Variants in ZNF365 observed in about 807,000 individuals in gnomAD.
The protein encoded by ZNF365 is zinc finger protein 365.
In ZNF365, 22 loss-of-function variants were observed where a neutral mutation model predicts 35.0. That is an observed-to-expected ratio of 0.63 (90% CI 0.45 to 0.90). The LOEUF (loss-of-function observed/expected upper bound fraction) is 0.90. ZNF365 is among the 40% of genes least tolerant of loss of function. The pLI is 0.00. For synonymous variants in ZNF365, 188 were observed against 196.2 expected (o/e 0.96, Z 0.35); for missense variants, 448 against 500.3 (o/e 0.90, Z 1.00).
chr10:62,388,769 G>T (rs1167256115), intron 3 of ZNF365, among the ~76,000 whole-genome samples, 193 bp downstream of exon 3: 2 of 152,162 alleles, frequency 1.3e-5, no homozygotes, highest in Non-Finnish European at 2.9e-5. Flanking sequence ...GGTAAATGCT[G>T]CATGTGCCGT....
At chr10:62,392,251 C>T (rs1228889105) in intron 3 of ZNF365, among the ~76,000 whole-genome samples, 2 of 152,116 alleles carry the variant, frequency 1.3e-5, no homozygotes, top group African/African-American at 4.8e-5. Flanking sequence ...GTTTAAGTCT[C>T]ATCTATTTAT....
At chr10:62,424,985 C>G (rs1037147093) in intron 3 of ZNF365, among the ~76,000 whole-genome samples, 20 of 152,156 alleles carry the variant, frequency 1.3e-4, no homozygotes, top group African/African-American at 4.1e-4. Flanking sequence ...TCAGCAGGGT[C>G]TTCTGCAGCC....
intron 3 of ZNF365, among the ~76,000 whole-genome samples, chr10:62,438,573 T>C (rs1401267892): frequency 1.3e-5 from 2 of 151,716 alleles, no homozygotes; most frequent in African/African-American, 2.4e-5. Flanking sequence ...GTTAACAAGA[T>C]AGATAAAGGA....
At chr10:62,443,211 C>T (rs1840530432) in intron 3 of ZNF365, among the ~76,000 whole-genome samples, 1 of 152,200 alleles carries the variant, frequency 6.6e-6, no homozygotes, top group Non-Finnish European at 1.5e-5. Context: ...AATCAGTTAT[C>T]AGCTTCTTCC....
downstream of ZNF365, among the ~76,000 whole-genome samples, chr10:62,403,829 A>G (rs1839867619): frequency 6.6e-6 from 1 of 152,244 alleles, no homozygotes. Context: ...ATTAGAAAAC[A>G]TAAATCCCAA....
chr10:62,376,279 C>G lies in ZNF365; in HGVS notation c.86C>G (p.Pro29Arg). 2 of 1,614,054 alleles carry G rather than the reference C, an allele frequency of 1.2e-6. No homozygotes were observed. Among genetic ancestry groups the G allele is most frequent in the Middle Eastern group, 1.6e-4 (1 of 6,062 alleles). Residue 29 changes from proline to arginine, a missense_variant, in exon 2 of 5, where the codon CCG becomes CGG. Pro to Arg is a moderately radical substitution (Grantham distance 103). Around this residue, in one of 3 missense-constraint regions of ZNF365, gnomAD observed 76 missense variants for 96.7 expected, o/e 0.79. Coordinates refer to ENST00000395254, the MANE Select transcript of ZNF365 (RefSeq NM_014951.3). ...NVAVCLPLRC[P>R]RCGDHTRFRS... ...GCTGTGTGCCTGCCATTACGCTGCC[C>G]GAGGTGTGGAGACCATACCAGATTT...
chr10:62,448,124 T>C lies in ZNF365; in HGVS notation c.925-11617T>C, dbSNP rs145849039. Reference sequence around the variant, plus strand: ...GTTGCATTTAAAAGTGGATTGCAAATATTATACACATCTCCATAAATGTTT... The same window carrying C: ...GTTGCATTTAAAAGTGGATTGCAAACATTATACACATCTCCATAAATGTTT... On this transcript the variant is annotated intron_variant, in intron 3 of 4. Coordinates refer to the ZNF365 transcript ENST00000395255. 1.8e-3 allele frequency among the ~76,000 whole-genome samples: 275 copies of C among 152,336 alleles called. 4 individuals are homozygous for C. The South Asian group carries it at 0.024, about 13-fold the overall frequency.
chr10:62,472,454 A>G (rs185153405), intron 4 of ZNF365, among the ~76,000 whole-genome samples: 3 of 152,226 alleles, frequency 2.0e-5, no homozygotes, highest in African/African-American at 7.2e-5. Context: ...CCAATGTCAC[A>G]GGTGTTCTTA....
chr10:62,479,561 G>C (rs1448759081), intron 4 of ZNF365, among the ~76,000 whole-genome samples: 1 of 152,120 alleles, frequency 6.6e-6, no homozygotes. Context: ...TTGAGAGTTG[G>C]TGCTATTAAT....
chr10:62,377,569 A>G (rs886065402), intron 2 of ZNF365, among the ~76,000 whole-genome samples: 6 of 151,318 alleles, frequency 4.0e-5, no homozygotes, highest in Non-Finnish European at 8.8e-5. Context: ...CAAATGATGT[A>G]TTTTTTTTTG....
chr10:62,399,523 T>C lies in ZNF365; in HGVS notation c.963-5T>C. ...TTCTCCACTCCCCCCTCCAACCCTC[T>C]GTAGAAGCCGAGGGCACCCGCATTC... On this transcript the variant is annotated splice_polypyrimidine_tract_variant and splice_region_variant and intron_variant, in intron 4 of 4. Transcript: ENST00000395254. The C allele has an allele frequency of 6.2e-7, 1 of 1,613,820 alleles. No homozygotes were observed. Among genetic ancestry groups the C allele is most frequent in the Non-Finnish European group, 8.5e-7 (1 of 1,179,792 alleles).
intron 4 of ZNF365, among the ~76,000 whole-genome samples, chr10:62,474,108 A>G (rs1452949264): frequency 6.6e-6 from 1 of 152,244 alleles, no homozygotes; most frequent in Admixed American, 6.5e-5. Context: ...GAGTGTTCCC[A>G]GAAATTGCCA....
chr10:62,429,025 G>A (rs539282345), intron 3 of ZNF365, among the ~76,000 whole-genome samples: 1 of 152,190 alleles, frequency 6.6e-6, no homozygotes, highest in African/African-American at 2.4e-5. Context: ...GCTGATGGGA[G>A]CTGGCTCTAG....
At chr10:62,463,391 C>A (rs1241296211) in intron 4 of ZNF365, among the ~76,000 whole-genome samples, 1 of 152,238 alleles carries the variant, frequency 6.6e-6, no homozygotes, top group Non-Finnish European at 1.5e-5. Context: ...TCCCCACTTA[C>A]CTTAAGTTTT....
chr10:62,402,362 T>A lies in ZNF365; in HGVS notation c.*2573T>A, dbSNP rs1331786780. 1 of 985,484 alleles carries A rather than the reference T, an allele frequency of 1.0e-6. No individual in the cohort carries two copies. Among genetic ancestry groups the A allele is most frequent in the Non-Finnish European group, 1.2e-6 (1 of 829,924 alleles). The allele number at this position is 985,484 out of a possible 1,614,324, so 61.0% of individuals were successfully genotyped here. On this transcript the variant is annotated 3_prime_UTR_variant, in exon 5 of 5. Coordinates refer to ENST00000395254, the MANE Select transcript of ZNF365 (RefSeq NM_014951.3). ...TCCAGTATTCTGCAGGGCCAGTCAG[T>A]TGTACAGAAGTTGGAATATTCTGTT...
intron 3 of ZNF365, among the ~76,000 whole-genome samples, chr10:62,458,660 T>G (rs1840799391): frequency 6.6e-6 from 1 of 152,160 alleles, no homozygotes; most frequent in Non-Finnish European, 1.5e-5. Context: ...TTAAAACCAC[T>G]TGGGGAAAAC....
At chr10:62,419,340 T>C (rs546829476) in intron 3 of ZNF365, among the ~76,000 whole-genome samples, 36 of 152,166 alleles carry the variant, frequency 2.4e-4, no homozygotes, top group African/African-American at 8.4e-4. Flanking sequence ...ATAATGATAT[T>C]TATCAATCTA....
chr10:62,387,354 AGATAATGGTGGTGGTCTCAG>A (rs1839542718), intron 2 of ZNF365, among the ~76,000 whole-genome samples: 1 of 152,158 alleles, frequency 6.6e-6, no homozygotes, highest in Admixed American at 6.5e-5. Flanking sequence ...ATGGCTACCA[AGATAATGGTGGTGGTCTCAG>A]GATAATGGAG....
intron 3 of ZNF365, among the ~76,000 whole-genome samples, chr10:62,450,397 C>T (rs1208235926): frequency 6.6e-6 from 1 of 152,160 alleles, no homozygotes; most frequent in Non-Finnish European, 1.5e-5. Context: ...TTTTCCAAGT[C>T]ACACAGTTAC....
Sources: gnomAD v4.1 joint callset for allele counts (sites outside exome capture counted in the v4.1 genomes callset) on GRCh38, gnomAD v4.1.1 for gene constraint, gnomAD v4.1.1 regional missense constraint, MANE v1.5 for transcripts, NCBI Gene and HGNC (gene_info 2026-07-23, HGNC 2026-07-21) for gene names.